Variants in NME7 observed in about 807,000 individuals in gnomAD.
NME7 encodes the protein nucleoside diphosphate kinase 7.
NME7 carries 41 observed loss-of-function variants against 49.1 expected under a neutral mutation model. That is an observed-to-expected ratio of 0.83 (90% CI 0.65 to 1.08). NME7 has a LOEUF of 1.08. Among genes scored for constraint, NME7 ranks in the 50% least tolerant of loss-of-function variants. The pLI is 0.00. For synonymous variants in NME7, 139 were observed against 150.6 expected, an observed-to-expected ratio of 0.92 and a Z score of 0.56; for missense variants, 423 against 463.4, an observed-to-expected ratio of 0.91 and a Z score of 0.80.
intron 1 of NME7, among the ~76,000 whole-genome samples, chr1:169,346,957 G>A (rs1026733627): frequency 6.6e-6 from 1 of 152,160 alleles, no homozygotes; most frequent in African/African-American, 2.4e-5. Context: ...CAAGACAGAA[G>A]ACAGACAAGG....
At chr1:169,335,907 A>T (rs1414616166) in intron 1 of NME7, among the ~76,000 whole-genome samples, 1 of 151,744 alleles carries the variant, frequency 6.6e-6, no homozygotes, top group Non-Finnish European at 1.5e-5. Flanking sequence ...GGAAATTTTC[A>T]CTTTGCCTTG....
intron 7 of NME7, among the ~76,000 whole-genome samples, chr1:169,280,266 G>A (rs984978976): frequency 6.6e-6 from 1 of 152,180 alleles, no homozygotes; most frequent in African/African-American, 2.4e-5. Context: ...TTTGAGAAGT[G>A]TCTGTTCATA....
intron 6 of NME7, among the ~76,000 whole-genome samples, chr1:169,292,309 TTA>T (rs1650537214): frequency 6.6e-6 from 1 of 152,060 alleles, no homozygotes; most frequent in Admixed American, 6.6e-5. Flanking sequence ...GCACAATACA[TTA>T]AAGAACAACT....
At chr1:169,314,081 T>A (rs1651516708) in intron 3 of NME7, among the ~76,000 whole-genome samples, 1 of 144,344 alleles carries the variant, frequency 6.9e-6, no homozygotes, top group South Asian at 2.2e-4. Flanking sequence ...AACTGAGTTT[T>A]CTATTAGTAA....
At chr1:169,326,542 C>A (rs1482040943) in intron 1 of NME7, among the ~76,000 whole-genome samples, 1 of 152,172 alleles carries the variant, frequency 6.6e-6, no homozygotes, top group South Asian at 2.1e-4. Flanking sequence ...AGGGAGCCCA[C>A]CAAGGGACAG....
At chr1:169,293,703 T>A (rs1650601866) in intron 6 of NME7, among the ~76,000 whole-genome samples, 1 of 152,192 alleles carries the variant, frequency 6.6e-6, no homozygotes, top group Non-Finnish European at 1.5e-5. Flanking sequence ...TTTCATAAGT[T>A]TGTTAAACTT....
intron 11 of NME7, among the ~76,000 whole-genome samples, chr1:169,138,130 G>A (rs772889478): frequency 4.6e-5 from 7 of 151,934 alleles, no homozygotes; most frequent in Non-Finnish European, 7.4e-5. Context: ...GGCCAACATG[G>A]CGAAACCTCG....
intron 10 of NME7, among the ~76,000 whole-genome samples, chr1:169,181,714 C>G (rs1423472317): frequency 3.3e-5 from 5 of 152,106 alleles, no homozygotes; most frequent in African/African-American, 1.2e-4. Flanking sequence ...AGCCTTTTGC[C>G]TCACAACACT....
At chr1:169,367,152 A>T (rs1247486337) in intron 1 of NME7, among the ~76,000 whole-genome samples, 1 of 144,282 alleles carries the variant, frequency 6.9e-6, no homozygotes, top group Admixed American at 7.0e-5. Flanking sequence ...TTAAAAAAAA[A>T]AGAAGAAGAA....
At chr1:169,337,821 C>T (rs1302661240) in intron 1 of NME7, among the ~76,000 whole-genome samples, 1 of 152,196 alleles carries the variant, frequency 6.6e-6, no homozygotes, top group East Asian at 1.9e-4. Flanking sequence ...TGTACCTATC[C>T]TTTATCAAAT....
intron 10 of NME7, among the ~76,000 whole-genome samples, chr1:169,187,198 A>C (rs1382169184): frequency 2.6e-5 from 4 of 152,082 alleles, no homozygotes; most frequent in Admixed American, 2.6e-4. Context: ...TTTTAGAATA[A>C]GTGCGATGTG....
At chr1:169,306,377 G>A (rs1237261949) in intron 4 of NME7, among the ~76,000 whole-genome samples, 2 of 152,136 alleles carry the variant, frequency 1.3e-5, no homozygotes, top group African/African-American at 2.4e-5. Flanking sequence ...GAGCCATCAA[G>A]GAATAGAAGG....
At chr1:169,288,030 T>C (rs540088181) in intron 6 of NME7, among the ~76,000 whole-genome samples, 6 of 152,244 alleles carry the variant, frequency 3.9e-5, no homozygotes, top group African/African-American at 1.4e-4. Flanking sequence ...TTTAGATGCT[T>C]TCCTGTCTCT....
Position 169,271,513 on chromosome 1 carries a change from G to A in NME7, c.754+15790C>T, listed in dbSNP as rs1405235752. On this transcript the variant is annotated intron_variant, in intron 7 of 11. Coordinates refer to ENST00000367811, the MANE Select transcript of NME7 (RefSeq NM_013330.5). ...ATGAACGCTGTCGTCTCAATCAGAC[G>A]ACTGCATTGAAAGCTCTTAAACATC... 4.5e-5 allele frequency among the ~76,000 whole-genome samples: 6 copies of A among 133,244 alleles called. No individual in the cohort carries two copies. The East Asian group carries it at 8.0e-4, about 18-fold the overall frequency. The allele number at this position is 133,244 out of a possible 152,430, so 87.4% of individuals were successfully genotyped here. A position where few individuals can be genotyped will look rare whatever the true frequency, so the allele number is the denominator to read the frequency against.
chr1:169,258,665 A>T (rs1201950690), intron 7 of NME7, among the ~76,000 whole-genome samples: 1 of 131,514 alleles, frequency 7.6e-6, no homozygotes, highest in Non-Finnish European at 1.8e-5. Context: ...AAATAGACTA[A>T]TACCACAACA....
At chr1:169,299,457 G>A (rs1309491095) in intron 5 of NME7, among the ~76,000 whole-genome samples, 1 of 152,098 alleles carries the variant, frequency 6.6e-6, no homozygotes, top group Non-Finnish European at 1.5e-5. Flanking sequence ...TTTTATATGT[G>A]TACAGGATGC....
chr1:169,218,960 T>G (rs1661057966), intron 10 of NME7, among the ~76,000 whole-genome samples: 1 of 152,216 alleles, frequency 6.6e-6, no homozygotes. Context: ...TGAAACTTCT[T>G]GCTGAAGATC....
intron 10 of NME7, among the ~76,000 whole-genome samples, chr1:169,205,688 C>T (rs1282395563): frequency 1.3e-5 from 2 of 152,224 alleles, no homozygotes; most frequent in African/African-American, 4.8e-5. Context: ...GCTTCTGCTC[C>T]GGCCCCACTT....
chr1:169,358,753 G>A (rs1653549490), intron 1 of NME7, among the ~76,000 whole-genome samples: 1 of 152,036 alleles, frequency 6.6e-6, no homozygotes, highest in African/African-American at 2.4e-5. Flanking sequence ...ACATATGTAT[G>A]TAATGTATAG....
Sources: gnomAD v4.1 joint callset for allele counts (sites outside exome capture counted in the v4.1 genomes callset) on GRCh38, gnomAD v4.1.1 for gene constraint, MANE v1.5 for transcripts, NCBI Gene and HGNC (gene_info 2026-07-23, HGNC 2026-07-21) for gene names.